The following ABLIM3 variants were observed in gnomAD, a reference collection of about 807,000 sequenced individuals.
The protein encoded by ABLIM3 is actin binding LIM protein family member 3, also known as actin-binding LIM protein 3.
In ABLIM3, 61 loss-of-function variants were observed where a neutral mutation model predicts 109.5. The observed-to-expected ratio is 0.56, with a 90% CI of 0.45 to 0.69. The LOEUF is 0.69. Ranked by LOEUF, ABLIM3 falls within the 30% of genes least tolerant of loss-of-function variation. The probability of loss-of-function intolerance (pLI) is 0.00; values close to 1 mark genes in which losing one functional copy is unlikely to be tolerated. For synonymous variants in ABLIM3, 300 were observed against 324.8 expected (o/e 0.92, Z 0.82); for missense variants, 796 against 889.5 (o/e 0.89, Z 1.34).
chr5:149,239,626 A>AG lies in ABLIM3; in HGVS notation c.1075-127dup, dbSNP rs11326264. The AG allele has an allele frequency of 3.0e-4, 371 of 1,248,574 alleles. 2 individuals carry two copies. The highest frequency in any genetic ancestry group is 3.9e-4 in the Non-Finnish European group (353 of 902,222). 77.3% of individuals were successfully genotyped at this position (1,248,574 alleles called of 1,614,324 possible). On this transcript the variant is annotated intron_variant, in intron 12 of 23. Transcript: ENST00000309868. Reference sequence around the variant, plus strand: ...GGGCTGTGTGTGTAACTCAGGGAGGAGGGGGGTCTCTGTATTCACACCTCA... The same window carrying AG: ...GGGCTGTGTGTGTAACTCAGGGAGGAGGGGGGGTCTCTGTATTCACACCTCA...
At chr5:149,208,828 G>A (rs1759270440) in intron 6 of ABLIM3, among the ~76,000 whole-genome samples, 1 of 152,220 alleles carries the variant, frequency 6.6e-6, no homozygotes, top group Admixed American at 6.5e-5. Context: ...CAAATAAAGG[G>A]CTGTGAATAT....
At chr5:149,255,032 G>A (rs1754309232) in intron 23 of ABLIM3, among the ~76,000 whole-genome samples, 2 of 152,218 alleles carry the variant, frequency 1.3e-5, no homozygotes, top group Admixed American at 1.3e-4. Flanking sequence ...TCCTCAAGGA[G>A]CTCAGAGAAT....
chr5:149,247,624 A>G (rs1391850346), intron 17 of ABLIM3, 158 bp from the exon 18 acceptor site: 2 of 974,326 alleles, frequency 2.1e-6, no homozygotes, highest in Admixed American at 4.0e-5. Flanking sequence ...AGATTGCAAC[A>G]GGAAACATGG....
chr5:149,141,998 T>G lies in ABLIM3; in HGVS notation c.-87-11T>G. The G allele has an allele frequency of 1.3e-6, 2 of 1,584,836 alleles. No individual in the cohort carries two copies. The highest frequency in any genetic ancestry group is 2.2e-5 in the South Asian group (2 of 90,420). ...ACAGAGCTGGCACTGGACTGCCTTTTCACCCCCCAGGTGATGAGTGAGGTT... is the reference window on the plus strand; with the variant it reads ...ACAGAGCTGGCACTGGACTGCCTTTGCACCCCCCAGGTGATGAGTGAGGTT... On this transcript the variant is annotated splice_polypyrimidine_tract_variant and intron_variant, in intron 1 of 23. Coordinates refer to ENST00000309868, the MANE Select transcript of ABLIM3 (RefSeq NM_014945.5).
chr5:149,157,826 G>C (rs1323182740), intron 2 of ABLIM3, among the ~76,000 whole-genome samples: 4 of 152,104 alleles, frequency 2.6e-5, no homozygotes, highest in Non-Finnish European at 4.4e-5. Flanking sequence ...CCTGAAGGCA[G>C]AGCCACCTCA....
At chr5:149,207,176 A>G (rs1759074611) in intron 6 of ABLIM3, 42 bp downstream of exon 6, 5 of 1,600,976 alleles carry the variant, frequency 3.1e-6, no homozygotes, top group African/African-American at 2.7e-5. Flanking sequence ...GGGCCTCTGC[A>G]TTCTGTGAGG....
chr5:149,242,343 CA>C lies in ABLIM3; in HGVS notation c.1304-147del, dbSNP rs577094963. 102 of 721,292 alleles carry C rather than the reference CA, an allele frequency of 1.4e-4. No homozygotes were observed. In the African/African-American group the frequency reaches 1.7e-3, roughly 12 times the overall value. 44.7% of individuals were successfully genotyped at this position (721,292 alleles called of 1,614,324 possible). On this transcript the variant is annotated intron_variant, in intron 14 of 23. Coordinates refer to ENST00000309868, the MANE Select transcript of ABLIM3 (RefSeq NM_014945.5). ...GTTCAACTTTGGAAGAGGAAGTCAC[CA>C]GGGGAAAAAGATGGTGGCCCCTTGG...
At chr5:149,159,495 TG>T (rs1754135598) in intron 2 of ABLIM3, among the ~76,000 whole-genome samples, 1 of 152,252 alleles carries the variant, frequency 6.6e-6, no homozygotes, top group African/African-American at 2.4e-5. Flanking sequence ...AAAATCTATA[TG>T]TTTCATTAAT....
intron 2 of ABLIM3, among the ~76,000 whole-genome samples, chr5:149,166,097 A>G (rs534324136): frequency 6.6e-6 from 1 of 152,312 alleles, no homozygotes; most frequent in African/African-American, 2.4e-5. Flanking sequence ...TATTTGAGCC[A>G]AGATATAAAA....
intron 22 of ABLIM3, 184 bp from the exon 23 acceptor site, chr5:149,252,573 G>A (rs1387763840): frequency 1.7e-6 from 1 of 596,148 alleles, no homozygotes; most frequent in Middle Eastern, 4.5e-4. Context: ...CTTGGGCCTT[G>A]TCTTTTGAGA....
chr5:149,210,063 A>G (rs1759389346), intron 6 of ABLIM3, among the ~76,000 whole-genome samples: 2 of 152,150 alleles, frequency 1.3e-5, no homozygotes, highest in Admixed American at 1.3e-4. Flanking sequence ...GCCCCCAACT[A>G]TCTCTACCTC....
At chr5:149,230,615 GGTCTGA>G (rs757280246) in intron 8 of ABLIM3, 28 bp from the exon 9 acceptor site, 1 of 1,612,184 alleles carries the variant, frequency 6.2e-7, no homozygotes, top group Non-Finnish European at 8.5e-7. Flanking sequence ...GGGTTTGAAA[GGTCTGA>G]GTCTTCGTTA....
intron 8 of ABLIM3, among the ~76,000 whole-genome samples, chr5:149,227,232 T>C (rs1054736272): frequency 7.9e-5 from 12 of 152,154 alleles, no homozygotes; most frequent in African/African-American, 2.9e-4. Context: ...TGCTAACGAT[T>C]AAAAATGGCC....
chr5:149,162,805 C>T (rs1390280526), intron 2 of ABLIM3, among the ~76,000 whole-genome samples: 1 of 152,208 alleles, frequency 6.6e-6, no homozygotes, highest in African/African-American at 2.4e-5. Context: ...GATGGCTAAC[C>T]TGACCAGGGC....
In ABLIM3 at chr5:149,252,756, G is replaced by T; in HGVS notation, c.1858-1G>T. The T allele has an allele frequency of 6.2e-7, 1 of 1,612,840 alleles. No homozygotes were observed. Among genetic ancestry groups the T allele is most frequent in the Non-Finnish European group, 8.5e-7 (1 of 1,179,148 alleles). On this transcript the variant is annotated splice_acceptor_variant, in intron 22 of 23. Transcript: ENST00000309868. LOFTEE classifies it high-confidence loss of function. ...TGGAGACCACCCCCCTTTCTCCTTA[G>T]ATCTACCCTTATGAACTGCTGCTGG... is the stretch of plus-strand genomic sequence containing the variant.
intron 5 of ABLIM3, among the ~76,000 whole-genome samples, chr5:149,206,090 G>A (rs1416969355): frequency 6.6e-6 from 1 of 152,222 alleles, no homozygotes; most frequent in Non-Finnish European, 1.5e-5. Context: ...CCGCCAAAGT[G>A]GGTCATCCGG....
intron 2 of ABLIM3, among the ~76,000 whole-genome samples, chr5:149,155,355 C>T (rs1391944006): frequency 6.6e-6 from 1 of 152,154 alleles, no homozygotes; most frequent in African/African-American, 2.4e-5. Flanking sequence ...ATTCTAGGCA[C>T]CATGAAATCA....
intron 7 of ABLIM3, among the ~76,000 whole-genome samples, chr5:149,213,335 A>G (rs1260264529): frequency 6.6e-6 from 1 of 152,204 alleles, no homozygotes; most frequent in Non-Finnish European, 1.5e-5. Context: ...CTGAGGAGGT[A>G]GCAGAGGAAG....
intron 2 of ABLIM3, among the ~76,000 whole-genome samples, chr5:149,153,161 G>T (rs1580992078): frequency 6.6e-6 from 1 of 151,992 alleles, no homozygotes; most frequent in South Asian, 2.1e-4. Context: ...TATTCCCAAG[G>T]CACTTCAAAA....
Sources: allele counts gnomAD v4.1 joint callset (sites outside exome capture counted in the v4.1 genomes callset), GRCh38; gene constraint gnomAD v4.1.1; transcripts MANE v1.5; gene names NCBI Gene and HGNC (gene_info 2026-07-23, HGNC 2026-07-21).